The following KCNQ3 variants were observed in gnomAD, a reference collection of about 807,000 sequenced individuals.
KCNQ3 encodes potassium voltage-gated channel subfamily Q member 3, also known as potassium voltage-gated channel subfamily KQT member 3.
KCNQ3 carries 30 observed loss-of-function variants against 92.5 expected under a neutral mutation model. That is an observed-to-expected ratio of 0.32 (90% confidence interval 0.24 to 0.44). KCNQ3 has a LOEUF of 0.44. Ranked by LOEUF, KCNQ3 falls within the 20% of genes least tolerant of loss-of-function variation. The probability of loss-of-function intolerance (pLI) is 1.00; values close to 1 mark genes in which losing one functional copy is unlikely to be tolerated. For missense variants in KCNQ3, 913 were observed against 1,140.3 expected, an observed-to-expected ratio of 0.80 and a Z score of 2.87; for synonymous variants, 450 against 468.8, an observed-to-expected ratio of 0.96 and a Z score of 0.52.
At chr8:132,376,589 T>G (rs1819615933) in intron 1 of KCNQ3, among the ~76,000 whole-genome samples, 1 of 152,222 alleles carries the variant, frequency 6.6e-6, no homozygotes. Context: ...GAAAATACAT[T>G]GCTTTTGTGC....
At chr8:132,378,078 C>G (rs1819657207) in intron 1 of KCNQ3, among the ~76,000 whole-genome samples, 2 of 152,030 alleles carry the variant, frequency 1.3e-5, no homozygotes, top group Non-Finnish European at 2.9e-5. Context: ...TTATGAAAGT[C>G]ATACAAACAC....
chr8:132,231,735 C>T (rs1814654351), intron 1 of KCNQ3, among the ~76,000 whole-genome samples: 1 of 152,148 alleles, frequency 6.6e-6, no homozygotes, highest in South Asian at 2.1e-4. Flanking sequence ...GTTATGGTAG[C>T]CAAAACTAAC....
At chr8:132,355,678 G>A (rs908834498) in intron 1 of KCNQ3, among the ~76,000 whole-genome samples, 7 of 152,152 alleles carry the variant, frequency 4.6e-5, no homozygotes, top group Non-Finnish European at 7.4e-5. Context: ...ATGCTGGTGG[G>A]ATCTGAGTGT....
At chr8:132,411,233 G>A (rs1820643324) in intron 1 of KCNQ3, among the ~76,000 whole-genome samples, 1 of 152,186 alleles carries the variant, frequency 6.6e-6, no homozygotes, top group African/African-American at 2.4e-5. Flanking sequence ...CCTGAGGGAG[G>A]TGAGAGGGGC....
intron 1 of KCNQ3, among the ~76,000 whole-genome samples, chr8:132,225,200 A>G (rs1814371751): frequency 6.6e-6 from 1 of 152,254 alleles, no homozygotes; most frequent in Non-Finnish European, 1.5e-5. Context: ...GCTTTTAAAA[A>G]TTAGCTTCAT....
At chr8:132,131,805 G>A (rs985826429) in intron 14 of KCNQ3, among the ~76,000 whole-genome samples, 8 of 152,004 alleles carry the variant, frequency 5.3e-5, no homozygotes, top group Admixed American at 5.2e-4. Flanking sequence ...ACAATGGTGG[G>A]GACTGGGCGC....
intron 8 of KCNQ3, among the ~76,000 whole-genome samples, chr8:132,169,850 T>G (rs1195232651): frequency 6.6e-6 from 1 of 152,128 alleles, no homozygotes; most frequent in South Asian, 2.1e-4. Context: ...ATCAGATTTT[T>G]TTTTTCTTTA....
At chr8:132,376,934 G>C (rs1229453815) in intron 1 of KCNQ3, among the ~76,000 whole-genome samples, 2 of 152,206 alleles carry the variant, frequency 1.3e-5, no homozygotes, top group African/African-American at 4.8e-5. Context: ...TGGGTGAAGG[G>C]AAAGAATGAG....
At chr8:132,451,234 CT>C (rs1004200041) in intron 1 of KCNQ3, among the ~76,000 whole-genome samples, 9 of 152,204 alleles carry the variant, frequency 5.9e-5, no homozygotes, top group East Asian at 1.9e-4. Context: ...TAAAACGTGA[CT>C]TTGCTTCTCC....
intron 1 of KCNQ3, among the ~76,000 whole-genome samples, chr8:132,251,398 C>T (rs760171696): frequency 1.3e-5 from 2 of 152,162 alleles, no homozygotes; most frequent in African/African-American, 2.4e-5. Flanking sequence ...TGAGGATGAC[C>T]CCGTTGAAGA....
At chr8:132,394,670 T>C (rs962787668) in intron 1 of KCNQ3, among the ~76,000 whole-genome samples, 2 of 152,002 alleles carry the variant, frequency 1.3e-5, no homozygotes, top group South Asian at 4.2e-4. Context: ...ATGACAATGG[T>C]GTGATGGGGT....
rs137946311 is a variant in KCNQ3, at chr8:132,274,548, A to G, written c.387-88367T>C. The stretch of plus-strand genomic sequence containing the variant: ...CAACTAGCCTGCCACCCCTTTCTAC[A>G]GAATATAGTGCTCCCCTCCTTGAGC... On this transcript the variant is annotated intron_variant, in intron 1 of 14. Transcript: ENST00000388996. 8.5e-5 allele frequency among the ~76,000 whole-genome samples: 13 copies of G among 152,322 alleles called. No homozygotes were observed. The East Asian group carries it at 2.5e-3, about 29-fold the overall frequency.
In KCNQ3 at chr8:132,459,386, C is replaced by T. The variant is rs1456712902; in HGVS notation, c.386+20761G>A. Among the ~76,000 whole-genome samples the T allele has an allele frequency of 5.3e-5, 8 of 152,234 alleles. No homozygotes were observed. In the East Asian group the frequency reaches 5.8e-4, roughly 11 times the overall value. On this transcript the variant is annotated intron_variant, in intron 1 of 14. Coordinates refer to ENST00000388996, the MANE Select transcript of KCNQ3 (RefSeq NM_004519.4). The stretch of plus-strand genomic sequence containing the variant: ...GTCAGCATCTGCATCCAGTGAGGAC[C>T]TCCAGTTGCTTCCACTCATGGTAGA...
chr8:132,461,765 T>A (rs1268869783), intron 1 of KCNQ3, among the ~76,000 whole-genome samples: 1 of 152,208 alleles, frequency 6.6e-6, no homozygotes, highest in Non-Finnish European at 1.5e-5. Flanking sequence ...AATTTACAAT[T>A]CCCTAACGAA....
At chr8:132,411,573 CA>C (rs1820653310) in intron 1 of KCNQ3, among the ~76,000 whole-genome samples, 2 of 152,020 alleles carry the variant, frequency 1.3e-5, no homozygotes, top group Non-Finnish European at 2.9e-5. Flanking sequence ...AGGAAAGACC[CA>C]TGAGAGGAAT....
At chr8:132,280,538 C>G (rs546012144) in intron 1 of KCNQ3, among the ~76,000 whole-genome samples, 1 of 152,270 alleles carries the variant, frequency 6.6e-6, no homozygotes, top group South Asian at 2.1e-4. Context: ...CATGACGGAT[C>G]TGCCTCCATG....
At chr8:132,475,337 C>A (rs975333082) in intron 1 of KCNQ3, among the ~76,000 whole-genome samples, 2 of 152,148 alleles carry the variant, frequency 1.3e-5, no homozygotes, top group Admixed American at 1.3e-4. Flanking sequence ...GTCTAGAGGG[C>A]TCAGAAGAAG....
At chr8:132,301,798 C>T (rs992160040) in intron 1 of KCNQ3, among the ~76,000 whole-genome samples, 2 of 152,120 alleles carry the variant, frequency 1.3e-5, no homozygotes, top group African/African-American at 4.8e-5. Context: ...CACATTGAGA[C>T]TGAGACTGCT....
rs542096173 is a variant in KCNQ3 at position 132,420,077 on chromosome 8, G to A, written c.386+60070C>T. On this transcript the variant is annotated intron_variant, in intron 1 of 14. Coordinates refer to ENST00000388996, the MANE Select transcript of KCNQ3 (RefSeq NM_004519.4). ...TGCCAGCATTGCTGGGTTCTGGTCAGGGCCCTCTTCTGGGGTGCAGACTGA... is the reference window on the plus strand; with the variant it reads ...TGCCAGCATTGCTGGGTTCTGGTCAAGGCCCTCTTCTGGGGTGCAGACTGA... Among the ~76,000 whole-genome samples, 5 of 152,282 alleles carry A rather than the reference G, an allele frequency of 3.3e-5. No homozygotes were observed. In the South Asian group the frequency reaches 1.0e-3, roughly 32 times the overall value.
Sources: allele counts gnomAD v4.1 joint callset (sites outside exome capture counted in the v4.1 genomes callset), GRCh38; gene constraint gnomAD v4.1.1; transcripts MANE v1.5; gene names NCBI Gene and HGNC (gene_info 2026-07-23, HGNC 2026-07-21).